Variants in PDPR observed in about 807,000 individuals in gnomAD.
The protein encoded by PDPR is pyruvate dehydrogenase phosphatase regulatory subunit.
A neutral mutation model predicts 102.2 loss-of-function variants in PDPR; 50 were observed. That is an observed-to-expected ratio of 0.49 (90% CI 0.39 to 0.62). The LOEUF (loss-of-function observed/expected upper bound fraction) is 0.62. PDPR is among the 20% of genes least tolerant of loss of function. The pLI, the probability that PDPR is intolerant of heterozygous loss-of-function variation, is 0.00. For missense variants in PDPR, 625 were observed against 1,098.2 expected, an observed-to-expected ratio of 0.57 and a Z score of 6.09; for synonymous variants, 259 against 406.0, an observed-to-expected ratio of 0.64 and a Z score of 4.35.
At chr16:70,151,322 G>C (rs933574417) in intron 17 of PDPR, among the ~76,000 whole-genome samples, 23 of 152,384 alleles carry the variant, frequency 1.5e-4, no homozygotes, top group African/African-American at 4.1e-4. Flanking sequence ...TCTCATCTCA[G>C]CCTCCCAAAG....
In PDPR at chr16:70,129,451, C is replaced by A. The variant is rs540380545; in HGVS notation, c.607+329C>A. On this transcript the variant is annotated intron_variant, in intron 6 of 18. Coordinates refer to ENST00000288050, the MANE Select transcript of PDPR (RefSeq NM_017990.5). ...CCTTCGCCTCCTGGGTTCATGTGAT[C>A]CTCCTGCTTCAGCCTCCCGAGTAGG... Among the ~76,000 whole-genome samples the A allele has an allele frequency of 1.7e-4, 26 of 152,364 alleles. No homozygotes were observed. In the South Asian group the frequency reaches 5.4e-3, roughly 32 times the overall value.
In PDPR at chr16:70,158,912, G is replaced by A. The variant is rs1210121677; in HGVS notation, c.*2033G>A. 1 of 152,380 alleles carries A rather than the reference G, an allele frequency of 6.6e-6. No individual in the cohort carries two copies. The highest frequency in any genetic ancestry group is 2.4e-5 in the African/African-American group (1 of 41,478). The allele number at this position is 152,380 out of a possible 1,614,324, so 9.4% of individuals were successfully genotyped here. A position where few individuals can be genotyped will look rare whatever the true frequency, so the allele number is the denominator to read the frequency against. ...CATCTTTGTAAAGGAAAACGTATTT[G>A]TAATTGAATCCAGAAGAATTTAGTT... On this transcript the variant is annotated 3_prime_UTR_variant, in exon 19 of 19. Transcript: ENST00000288050.
intron 17 of PDPR, among the ~76,000 whole-genome samples, chr16:70,151,750 T>A (rs1184562484): frequency 6.6e-6 from 1 of 152,288 alleles, no homozygotes; most frequent in Non-Finnish European, 1.5e-5. Context: ...AGATTATTTG[T>A]GCCACGCTTG....
intron 4 of PDPR, among the ~76,000 whole-genome samples, chr16:70,128,064 T>C (rs1964152803): frequency 6.6e-6 from 1 of 152,266 alleles, no homozygotes; most frequent in Admixed American, 6.5e-5. Flanking sequence ...TGTTTGGCTA[T>C]ACTGGGGAAG....
chr16:70,120,209 C>G (rs1266161417), intron 2 of PDPR: 1 of 362,366 alleles, frequency 2.8e-6, no homozygotes, highest in Non-Finnish European at 5.3e-6. Flanking sequence ...GCCACTGCGC[C>G]CAGCCTAAGT....
intron 11 of PDPR, among the ~76,000 whole-genome samples, chr16:70,140,852 G>A (rs186627713): frequency 2.0e-3 from 298 of 152,180 alleles, no homozygotes; most frequent in Middle Eastern, 6.8e-3. Flanking sequence ...GAAAATGGGG[G>A]AGGGGATGAT....
intron 9 of PDPR, among the ~76,000 whole-genome samples, chr16:70,133,773 G>T (rs1364803931): frequency 1.3e-5 from 2 of 150,604 alleles, no homozygotes; most frequent in African/African-American, 4.9e-5. Flanking sequence ...CACTCTTGTT[G>T]CCCAGGCTCA....
At chr16:70,113,648 A>C (rs1157410100), upstream of PDPR, 1 of 134,988 alleles carries the variant, frequency 7.4e-6, no homozygotes, top group East Asian at 2.1e-4. Context: ...CTAGAAGGAA[A>C]GAAAAGGCTG....
chr16:70,117,122 A>G (rs531067263), intron 2 of PDPR, among the ~76,000 whole-genome samples: 1 of 149,680 alleles, frequency 6.7e-6, no homozygotes, highest in South Asian at 2.1e-4. Flanking sequence ...AGTGTAGAAT[A>G]GAAATGCTAG....
At position 70,162,282 on chromosome 16, in the gene PDPR, T is replaced by C. The variant is rs550331765; in HGVS notation, c.*5403T>C. ...GTGACTCATCGTTTGTGTTTGTCAATTTGCAGTTCAGCTTAGCCCTTCCCT... is the reference window on the plus strand; with the variant it reads ...GTGACTCATCGTTTGTGTTTGTCAACTTGCAGTTCAGCTTAGCCCTTCCCT... On this transcript the variant is annotated 3_prime_UTR_variant, in exon 19 of 19. Transcript: ENST00000288050. The C allele has an allele frequency of 3.3e-4, 50 of 152,766 alleles. No individual in the cohort carries two copies. Among genetic ancestry groups the C allele is most frequent in the Admixed American group, 1.3e-4 (2 of 15,308 alleles). The allele number at this position is 152,766 out of a possible 1,614,324, so 9.5% of individuals were successfully genotyped here. A position where few individuals can be genotyped will look rare whatever the true frequency, so the allele number is the denominator to read the frequency against.
At chr16:70,148,576 C>A (rs767837302) in intron 17 of PDPR, 23 bp downstream of exon 17, 1 of 1,582,248 alleles carries the variant, frequency 6.3e-7, no homozygotes, top group South Asian at 1.1e-5. Context: ...CCTTCCCTTC[C>A]CTTCCCTTCA....
chr16:70,138,038 CTTTTTTTTTT>C (rs200071207), intron 10 of PDPR, among the ~76,000 whole-genome samples: 10 of 118,362 alleles, frequency 8.4e-5, no homozygotes, highest in East Asian at 5.3e-4. Flanking sequence ...ATACCCAGCT[CTTTTTTTTTT>C]TTTTTTTTTT....
chr16:70,142,570 C>G lies in PDPR; in HGVS notation c.1489C>G (p.Gln497Glu), dbSNP rs1263865729. 23 of 1,613,848 alleles carry G rather than the reference C, an allele frequency of 1.4e-5. No individual in the cohort carries two copies. Among genetic ancestry groups the G allele is most frequent in the Non-Finnish European group, 1.9e-5 (23 of 1,179,848 alleles). Residue 497 changes from glutamine (Q) to glutamate (E), a missense_variant, in exon 13 of 19, where the codon CAG (glutamine) becomes GAG (glutamate). Transcript: ENST00000288050. ...PPDKDLLALE[Q>E]SKTFYKPDWF... ...TTCCGTAGACCTCCTGGCATTGGAGCAGAGCAAGACTTTCTATAAGCCAGA... is the reference window on the plus strand; with the variant it reads ...TTCCGTAGACCTCCTGGCATTGGAGGAGAGCAAGACTTTCTATAAGCCAGA...
chr16:70,137,184 C>T (rs1161063815), intron 10 of PDPR, among the ~76,000 whole-genome samples: 2 of 152,218 alleles, frequency 1.3e-5, no homozygotes, highest in Non-Finnish European at 1.5e-5. Flanking sequence ...AACCCCATCT[C>T]TACTAAAAAT....
chr16:70,153,247 C>A, intron 17 of PDPR, 144 bp from the exon 18 acceptor site: 1 of 919,282 alleles, frequency 1.1e-6, no homozygotes, highest in South Asian at 1.8e-5. Flanking sequence ...GTGCCCTGAG[C>A]GTGTCAAGGA....
At chr16:70,150,823 A>G (rs1421329859) in intron 17 of PDPR, among the ~76,000 whole-genome samples, 7 of 152,212 alleles carry the variant, frequency 4.6e-5, no homozygotes, top group Non-Finnish European at 8.8e-5. Context: ...ATTTATTACT[A>G]TTTTTTAGTG....
chr16:70,118,041 C>T (rs1356449953), intron 2 of PDPR, among the ~76,000 whole-genome samples: 9 of 149,524 alleles, frequency 6.0e-5, no homozygotes, highest in African/African-American at 1.5e-4. Flanking sequence ...TGCAGTGAGC[C>T]GAGATCACAC....
At chr16:70,154,250 C>T (rs1966876342) in intron 18 of PDPR, among the ~76,000 whole-genome samples, 1 of 152,274 alleles carries the variant, frequency 6.6e-6, no homozygotes, top group Non-Finnish European at 1.5e-5. Flanking sequence ...ATCACTTGAA[C>T]CTAACAGGCA....
At chr16:70,126,794 G>A (rs1964022571) in intron 3 of PDPR, among the ~76,000 whole-genome samples, 1 of 152,256 alleles carries the variant, frequency 6.6e-6, no homozygotes, top group South Asian at 2.1e-4. Flanking sequence ...TCAAAGTGCT[G>A]GGATTACAGG....
Sources: gnomAD v4.1 joint callset for allele counts (sites outside exome capture counted in the v4.1 genomes callset) on GRCh38, gnomAD v4.1.1 for gene constraint, MANE v1.5 for transcripts, NCBI Gene and HGNC (gene_info 2026-07-23, HGNC 2026-07-21) for gene names.